AKAP13: variants seen among roughly 807,000 people sequenced by gnomAD.
AKAP13 encodes A-kinase anchoring protein 13, also known as A-kinase anchor protein 13.
Under a neutral mutation model 264.5 loss-of-function variants are expected in AKAP13, and 80 were observed. The observed-to-expected ratio is 0.30, with a 90% CI of 0.25 to 0.36. The LOEUF (loss-of-function observed/expected upper bound fraction) is 0.36, where lower values mean the gene tolerates loss of function less well. Ranked by LOEUF, AKAP13 falls within the 10% of genes least tolerant of loss-of-function variation. The probability of loss-of-function intolerance (pLI) is 1.00; values close to 1 mark genes in which losing one functional copy is unlikely to be tolerated. For synonymous variants in AKAP13, 1,380 were observed against 1,250.2 expected (o/e 1.10, Z -2.19); for missense variants, 3,712 against 3,435.2 (o/e 1.08, Z -2.01).
chr15:85,392,286 G>A (rs56025704), intron 1 of AKAP13, among the ~76,000 whole-genome samples: 9 of 118,420 alleles, frequency 7.6e-5, no homozygotes, highest in African/African-American at 1.7e-4. Flanking sequence ...ATGGAGTCTC[G>A]CTCTGTCGCC....
chr15:85,559,590 G>A (rs2078283700), intron 5 of AKAP13, among the ~76,000 whole-genome samples: 1 of 152,176 alleles, frequency 6.6e-6, no homozygotes, highest in Non-Finnish European at 1.5e-5. Flanking sequence ...ATCAGGGGGT[G>A]ATGGGAGACA....
chr15:85,486,707 A>G (rs957300531), intron 2 of AKAP13, among the ~76,000 whole-genome samples: 5 of 122,262 alleles, frequency 4.1e-5, no homozygotes, highest in Non-Finnish European at 7.1e-5. Flanking sequence ...TTTTGATGGT[A>G]TTGTTAATTT....
In AKAP13 at chr15:85,646,042, C is replaced by G. The variant is rs537794117; in HGVS notation, c.4374+88C>G. The G allele has an allele frequency of 5.3e-6, 8 of 1,499,660 alleles. No homozygotes were observed. The Admixed American group carries it at 7.9e-5, about 15-fold the overall frequency. 92.9% of individuals were successfully genotyped at this position (1,499,660 alleles called of 1,614,324 possible). A position where few individuals can be genotyped will look rare whatever the true frequency, so the allele number is the denominator to read the frequency against. ...CAAACTCTTTTCCAACTTTTTCCCC[C>G]TCTTGTGCTCTCCTGTTTCCCTAAA... On this transcript the variant is annotated intron_variant, in intron 10 of 36. Coordinates refer to ENST00000394518, the MANE Select transcript of AKAP13 (RefSeq NM_007200.5).
chr15:85,660,162 G>A (rs2083273892), intron 12 of AKAP13, among the ~76,000 whole-genome samples: 1 of 151,940 alleles, frequency 6.6e-6, no homozygotes, highest in Non-Finnish European at 1.5e-5. Context: ...AGACCTGCCT[G>A]GGAAACATGG....
chr15:85,523,613 TA>T (rs2076911831), intron 3 of AKAP13, among the ~76,000 whole-genome samples: 2 of 152,184 alleles, frequency 1.3e-5, no homozygotes, highest in Non-Finnish European at 2.9e-5. Context: ...CTGCCCCAAC[TA>T]AAGTGTCAGC....
intron 1 of AKAP13, among the ~76,000 whole-genome samples, chr15:85,440,066 C>T (rs1170589263): frequency 6.6e-6 from 1 of 152,022 alleles, no homozygotes; most frequent in Non-Finnish European, 1.5e-5. Flanking sequence ...AAAAGAACAC[C>T]TAACAAAGCT....
intron 1 of AKAP13, among the ~76,000 whole-genome samples, chr15:85,441,328 G>T (rs1161690489): frequency 6.6e-6 from 1 of 151,566 alleles, no homozygotes; most frequent in African/African-American, 2.4e-5. Context: ...CAAACCTTTT[G>T]CCTATTAAAA....
intron 1 of AKAP13, among the ~76,000 whole-genome samples, chr15:85,471,643 T>C (rs1038661910): frequency 6.6e-5 from 10 of 152,210 alleles, no homozygotes; most frequent in African/African-American, 2.4e-4. Context: ...AGAACATTCC[T>C]ATCACTCCCA....
intron 4 of AKAP13, 132 bp from the exon 5 acceptor site, chr15:85,543,640 T>C: frequency 1.9e-6 from 2 of 1,028,204 alleles, no homozygotes; most frequent in South Asian, 3.5e-5. Context: ...CTGTTCACAC[T>C]GTATGTTGTA....
At chr15:85,433,122 T>C (rs1489867907) in intron 1 of AKAP13, among the ~76,000 whole-genome samples, 1 of 116,302 alleles carries the variant, frequency 8.6e-6, no homozygotes, top group Non-Finnish European at 1.9e-5. Flanking sequence ...GTACAGTTTT[T>C]TTTTTTTTTT....
intron 1 of AKAP13, among the ~76,000 whole-genome samples, chr15:85,416,829 G>T (rs765730109): frequency 2.6e-5 from 4 of 152,084 alleles, no homozygotes; most frequent in Admixed American, 2.0e-4. Flanking sequence ...CCTTTTCCCT[G>T]CCCATTAAAG....
At chr15:85,681,079 A>G (rs933305198) in intron 14 of AKAP13, among the ~76,000 whole-genome samples, 2 of 152,102 alleles carry the variant, frequency 1.3e-5, no homozygotes, top group African/African-American at 2.4e-5. Flanking sequence ...CTGCCTCCCA[A>G]AGTGTTGGGA....
intron 1 of AKAP13, among the ~76,000 whole-genome samples, chr15:85,450,634 A>T (rs1024978921): frequency 6.6e-6 from 1 of 152,054 alleles, no homozygotes; most frequent in Non-Finnish European, 1.5e-5. Flanking sequence ...ATTCAGGAGC[A>T]TGTTCTTATT....
intron 5 of AKAP13, among the ~76,000 whole-genome samples, chr15:85,572,649 A>G (rs1279068397): frequency 6.6e-6 from 1 of 151,948 alleles, no homozygotes; most frequent in Non-Finnish European, 1.5e-5. Context: ...TACGTTTTCC[A>G]CTGTAGCATT....
At chr15:85,544,120 C>T (rs1285664738) in intron 5 of AKAP13, 165 bp downstream of exon 5, 9 of 806,628 alleles carry the variant, frequency 1.1e-5, no homozygotes, top group Non-Finnish European at 1.7e-5. Context: ...TCCTGCTAAC[C>T]ACTTCATTGT....
At chr15:85,445,562 A>T (rs1384537216) in intron 1 of AKAP13, among the ~76,000 whole-genome samples, 1 of 152,214 alleles carries the variant, frequency 6.6e-6, no homozygotes, top group Non-Finnish European at 1.5e-5. Context: ...TTTATATGAC[A>T]GCGTGCTCTT....
chr15:85,603,524 T>C (rs16942142), intron 8 of AKAP13, among the ~76,000 whole-genome samples: 6,319 of 152,310 alleles, frequency 0.041, 435 homozygotes, highest in African/African-American at 0.15. Flanking sequence ...ATGTTGCAGA[T>C]TCTTGCTCAA....
chr15:85,558,162 T>A (rs2078219403), intron 5 of AKAP13, among the ~76,000 whole-genome samples: 1 of 152,218 alleles, frequency 6.6e-6, no homozygotes, highest in Non-Finnish European at 1.5e-5. Context: ...TTTGAGAAGT[T>A]CTCTGACCCA....
In AKAP13 at chr15:85,619,320, A is replaced by C. The variant is rs1282766882; in HGVS notation, c.4162-20054A>C. 1.4e-5 allele frequency: 14 copies of C among 967,880 alleles called. No individual in the cohort carries two copies. In the South Asian group the frequency reaches 5.7e-4, roughly 40 times the overall value. 60.0% of individuals were successfully genotyped at this position (967,880 alleles called of 1,614,324 possible). A position where few individuals can be genotyped will look rare whatever the true frequency, so the allele number is the denominator to read the frequency against. On this transcript the variant is annotated intron_variant, in intron 8 of 36. Transcript: ENST00000394518. ...GCAGTGACGTTCTTGAGAGAGAAGG[A>C]AAAAGGGAGGAGGAGGCTGGCTAGG...
Sources: gnomAD v4.1 joint callset for allele counts (sites outside exome capture counted in the v4.1 genomes callset) on GRCh38, gnomAD v4.1.1 for gene constraint, MANE v1.5 for transcripts, NCBI Gene and HGNC (gene_info 2026-07-23, HGNC 2026-07-21) for gene names.